Variants in SPANXN4 observed in about 807,000 individuals in gnomAD.
SPANXN4 encodes the protein SPANX family member N4, also known as sperm protein associated with the nucleus on the X chromosome N4.
SPANXN4 carries 5 observed loss-of-function variants against 6.0 expected under a neutral mutation model. That is an observed-to-expected ratio of 0.83 (90% confidence interval 0.44 to 1.75). The LOEUF (loss-of-function observed/expected upper bound fraction) is 1.75. Ranked by LOEUF, SPANXN4 falls within the 40% of genes most tolerant of loss-of-function variation. The pLI, the probability that SPANXN4 is intolerant of heterozygous loss-of-function variation, is 0.02. For missense variants in SPANXN4, 157 were observed against 108.6 expected, an observed-to-expected ratio of 1.45 and a Z score of -1.98; for synonymous variants, 45 against 38.0, an observed-to-expected ratio of 1.19 and a Z score of -0.68.
chrX:143,037,944 T>G, downstream of SPANXN4, among the ~76,000 whole-genome samples: 1 of 111,692 alleles, frequency 9.0e-6, no homozygotes, highest in Non-Finnish European at 1.9e-5. Flanking sequence ...CCTCTTATTT[T>G]TTTAATAAAT....
downstream of SPANXN4, among the ~76,000 whole-genome samples, chrX:143,037,327 A>G (rs1026407100): frequency 9.0e-6 from 1 of 111,715 alleles, no homozygotes; most frequent in African/African-American, 3.2e-5. Context: ...TTCTAATTAG[A>G]GCATATGCTT....
In SPANXN4 at chrX:143,033,917, C is replaced by T. The variant is rs1932826857; in HGVS notation, c.79-111C>T. ...CCACCTTGCTCTTCTCTGGCACAAG[C>T]CCCTTCCTCAACCTGCATTCCTTCT... On this transcript the variant is annotated intron_variant, in intron 1 of 2. Transcript: ENST00000370504. 12 of 712,122 alleles carry T rather than the reference C, an allele frequency of 1.7e-5. No individual in the cohort carries two copies. The South Asian group carries it at 3.2e-4, about 19-fold the overall frequency. 58.7% of individuals were successfully genotyped at this position (712,122 alleles called of 1,213,427 possible).
intron 1 of SPANXN4, among the ~76,000 whole-genome samples, chrX:143,033,104 C>T (rs1438983818): frequency 9.0e-6 from 1 of 111,610 alleles, no homozygotes; most frequent in Non-Finnish European, 1.9e-5. Context: ...GAGATTCACC[C>T]ACTAACTGGA....
chrX:143,034,292 A>C, intron 2 of SPANXN4: 1 of 1,111,939 alleles, frequency 9.0e-7, no homozygotes, highest in Non-Finnish European at 1.2e-6. Context: ...GATTACAATA[A>C]AATCAGTTTG....
chrX:143,030,462 T>A (rs1229299136), intron 1 of SPANXN4, among the ~76,000 whole-genome samples: 2 of 109,547 alleles, frequency 1.8e-5, no homozygotes, highest in Non-Finnish European at 3.8e-5. Context: ...GGTGCTAAAA[T>A]GAAGGGGAAG....
At chrX:143,026,224 A>G in intron 1 of SPANXN4, 132 bp downstream of exon 1, 1 of 526,992 alleles carries the variant, frequency 1.9e-6, no homozygotes, top group South Asian at 3.4e-5. Flanking sequence ...GCCAGAGCCC[A>G]CCGCTACATA....
chrX:143,033,968 C>A, intron 1 of SPANXN4, 57 bp from the exon 2 acceptor site: 1 of 1,057,357 alleles, frequency 9.5e-7, no homozygotes, highest in South Asian at 2.3e-5. Flanking sequence ...GCTATCTATT[C>A]TCTACCCTCT....
chrX:143,034,716 G>A (rs767503629), downstream of SPANXN4: 1 of 1,117,988 alleles, frequency 8.9e-7, no homozygotes, highest in Non-Finnish European at 1.2e-6. Flanking sequence ...AAAGGAACAA[G>A]AACCTCACCC....
chrX:143,026,873 A>G (rs1932781980), intron 1 of SPANXN4, among the ~76,000 whole-genome samples: 1 of 112,161 alleles, frequency 8.9e-6, no homozygotes, highest in Non-Finnish European at 1.9e-5. Flanking sequence ...CTGCTATCCC[A>G]GTGCTGAGTG....
chrX:143,038,511 C>T (rs752420751), downstream of SPANXN4, among the ~76,000 whole-genome samples: 5 of 111,631 alleles, frequency 4.5e-5, no homozygotes, highest in East Asian at 1.4e-3. Flanking sequence ...TATATGCCTT[C>T]CTGGCATTAT....
At chrX:143,031,438 T>C (rs1451817815) in intron 1 of SPANXN4, among the ~76,000 whole-genome samples, 2 of 111,482 alleles carry the variant, frequency 1.8e-5, no homozygotes, top group African/African-American at 6.5e-5. Context: ...GCCCTGTCAG[T>C]CTTCAGTTAG....
intron 1 of SPANXN4, among the ~76,000 whole-genome samples, chrX:143,032,710 T>G (rs1569429563): frequency 9.0e-6 from 1 of 111,527 alleles, no homozygotes; most frequent in Non-Finnish European, 1.9e-5. Context: ...TTTTGTTGTT[T>G]GGAGGAGGGG....
intron 1 of SPANXN4, among the ~76,000 whole-genome samples, chrX:143,031,105 C>T (rs188211325): frequency 9.1e-6 from 1 of 110,336 alleles, no homozygotes; most frequent in East Asian, 2.9e-4. Flanking sequence ...TTGTAGGAGC[C>T]GCATTGCATG....
chrX:143,033,304 G>T (rs1327079626), intron 1 of SPANXN4, among the ~76,000 whole-genome samples: 60 of 111,455 alleles, frequency 5.4e-4, no homozygotes, highest in Non-Finnish European at 5.7e-5. Flanking sequence ...GCAGGCTCAG[G>T]TCTAGTTTTT....
At chrX:143,031,199 G>C (rs762415836) in intron 1 of SPANXN4, among the ~76,000 whole-genome samples, 1 of 110,909 alleles carries the variant, frequency 9.0e-6, no homozygotes, top group African/African-American at 3.3e-5. Context: ...GTGAAGGAGG[G>C]TGTTGAATAG....
At position 143,034,105 on chromosome X, in the gene SPANXN4, G is replaced by A. The variant is rs185859071; in HGVS notation, c.156G>A (p.Val52=). Residue 52 remains valine (V), a synonymous_variant, in exon 2 of 3, where the codon GTG becomes GTA. Transcript: ENST00000370504. ...AAAAAGCAAAATATCCAACATTAGT[G>A]TTTTACTGCAGGAAGAATAAGAAAA... 8.2e-4 allele frequency: 966 copies of A among 1,178,043 alleles called. 3 individuals carry two copies. In the African/African-American group the frequency reaches 0.014, roughly 17 times the overall value.
intron 1 of SPANXN4, among the ~76,000 whole-genome samples, chrX:143,032,491 T>C (rs763514189): frequency 5.8e-4 from 64 of 109,907 alleles, no homozygotes; most frequent in Non-Finnish European, 1.1e-3. Flanking sequence ...TAGGGGTTTT[T>C]TTAACCAGGC....
At chrX:143,032,251 A>G (rs1296724116) in intron 1 of SPANXN4, among the ~76,000 whole-genome samples, 1 of 111,631 alleles carries the variant, frequency 9.0e-6, no homozygotes, top group Non-Finnish European at 1.9e-5. Context: ...GGCTGGCTAG[A>G]GAGATGGGAA....
chrX:143,034,649 C>G (rs1308335837), exon 3 of SPANXN4: 4 of 1,159,117 alleles, frequency 3.5e-6, no homozygotes, highest in Non-Finnish European at 3.4e-6. Flanking sequence ...AGGCCACATA[C>G]CTCAGAGTGG....
Sources: gnomAD v4.1 joint callset for allele counts (sites outside exome capture counted in the v4.1 genomes callset) on GRCh38, gnomAD v4.1.1 for gene constraint, MANE v1.5 for transcripts, NCBI Gene and HGNC (gene_info 2026-07-23, HGNC 2026-07-21) for gene names.